The following DNAH5 variants were observed in gnomAD, a reference collection of about 807,000 sequenced individuals.
The protein encoded by DNAH5 is dynein axonemal heavy chain 5.
A neutral mutation model predicts 518.2 loss-of-function variants in DNAH5; 372 were observed. The ratio of observed to expected loss-of-function variants is 0.72; its 90% confidence interval spans 0.66 to 0.78. DNAH5 has a LOEUF of 0.78. Ranked by LOEUF, DNAH5 falls within the 30% of genes least tolerant of loss-of-function variation. The probability of loss-of-function intolerance (pLI) is 0.00; values close to 1 mark genes in which losing one functional copy is unlikely to be tolerated. For synonymous variants in DNAH5, 2,039 were observed against 2,025.9 expected, an observed-to-expected ratio of 1.01 and a Z score of -0.17; for missense variants, 5,523 against 5,687.0, an observed-to-expected ratio of 0.97 and a Z score of 0.93.
In DNAH5 at chr5:13,794,656, G is replaced by A. The variant is rs369263030; in HGVS notation, c.7888-598C>T. Among the ~76,000 whole-genome samples the A allele has an allele frequency of 6.6e-5, 10 of 152,260 alleles. No homozygotes were observed. The South Asian group carries it at 1.9e-3, about 28-fold the overall frequency. ...CTTAGGCAGTGCAAGAGAAGACCACGCTGCACTCTGTAAAAAACCTTCCTT... is the reference window on the plus strand; with the variant it reads ...CTTAGGCAGTGCAAGAGAAGACCACACTGCACTCTGTAAAAAACCTTCCTT... On this transcript the variant is annotated intron_variant, in intron 47 of 78. Coordinates refer to ENST00000265104, the MANE Select transcript of DNAH5 (RefSeq NM_001369.3).
intron 3 of DNAH5, among the ~76,000 whole-genome samples, chr5:13,924,093 C>T (rs1226371515): frequency 6.6e-6 from 1 of 152,128 alleles, no homozygotes; most frequent in Admixed American, 6.6e-5. Context: ...CCAAGTCAAA[C>T]AGCCAATAGG....
chr5:13,762,973 A>G, intron 59 of DNAH5, 72 bp from the exon 60 acceptor site: 1 of 1,301,008 alleles, frequency 7.7e-7, no homozygotes, highest in South Asian at 1.2e-5. Context: ...CATGCTCTCA[A>G]TGCCACTGAA....
Position 13,990,573 on chromosome 5 carries a change from A to C in DNAH5, c.12+21075T>G, listed in dbSNP as rs1286469273. Among the ~76,000 whole-genome samples the C allele has an allele frequency of 2.7e-5, 4 of 150,618 alleles. 1 individual carries two copies. The East Asian group carries it at 7.8e-4, about 29-fold the overall frequency. On this transcript the variant is annotated intron_variant, in intron 1 of 78. Coordinates refer to the DNAH5 transcript ENST00000681290. ...ATCTCAAAAAACAAAATGAAGTAAA[A>C]TAAAAAAATTGGGGCCAGGCGTGGT...
chr5:13,692,998 G>A (rs923541445), intron 78 of DNAH5, among the ~76,000 whole-genome samples: 2 of 152,124 alleles, frequency 1.3e-5, no homozygotes, highest in Non-Finnish European at 2.9e-5. Context: ...GAGCAGCCTG[G>A]GAGTTTAAGC....
In DNAH5 at chr5:13,765,085, C is replaced by T. The variant is rs1191873456; in HGVS notation, c.10101+891G>A. On this transcript the variant is annotated intron_variant, in intron 59 of 78. Transcript: ENST00000265104. ...TTGTATCTACATGGTGGAAACACTA[C>T]ACAGTGGCTGCTACCATGCACCTCT... 7.2e-5 allele frequency among the ~76,000 whole-genome samples: 11 copies of T among 152,322 alleles called. No individual in the cohort carries two copies. In the South Asian group the frequency reaches 1.5e-3, roughly 20 times the overall value.
At chr5:13,919,116 A>G in intron 7 of DNAH5, 60 bp downstream of exon 7, 1 of 1,598,570 alleles carries the variant, frequency 6.3e-7, no homozygotes, top group East Asian at 2.2e-5. Context: ...CTATGCCTTG[A>G]AAATATGCAT....
chr5:13,896,530 A>G (rs1267761557), intron 15 of DNAH5: 2 of 152,232 alleles, frequency 1.3e-5, no homozygotes, highest in African/African-American at 4.8e-5. Flanking sequence ...TCACTTTATT[A>G]CAATAGACTA....
intron 47 of DNAH5, among the ~76,000 whole-genome samples, chr5:13,801,520 C>T (rs1047401371): frequency 2.0e-5 from 3 of 152,196 alleles, no homozygotes; most frequent in Admixed American, 6.5e-5. Context: ...CACTTCCTAA[C>T]CAAGGTTGAA....
Position 13,769,461 on chromosome 5 carries a change from A to T in DNAH5, c.9720+40T>A, listed in dbSNP as rs545937148. The T allele has an allele frequency of 1.4e-5, 21 of 1,506,256 alleles. No homozygotes were observed. In the Admixed American group the frequency reaches 2.3e-4, roughly 17 times the overall value. The allele number at this position is 1,506,256 out of a possible 1,614,324, so 93.3% of individuals were successfully genotyped here. A position where few individuals can be genotyped will look rare whatever the true frequency, so the allele number is the denominator to read the frequency against. On this transcript the variant is annotated intron_variant, in intron 57 of 78. Transcript: ENST00000265104. ...GATCATTAACACTTGTGAACTGAGA[A>T]TTCAAAAGGAATGTGGCACATGTGT...
intron 3 of DNAH5, 72 bp from the exon 4 acceptor site, chr5:13,923,512 T>C: frequency 6.4e-7 from 1 of 1,563,344 alleles, no homozygotes; most frequent in Non-Finnish European, 8.7e-7. Flanking sequence ...GGAATGAAGT[T>C]TCCTTGTTAA....
chr5:13,867,330 G>A (rs1235227174), intron 25 of DNAH5, among the ~76,000 whole-genome samples: 1 of 152,004 alleles, frequency 6.6e-6, no homozygotes, highest in Non-Finnish European at 1.5e-5. Flanking sequence ...TCATGGGAGC[G>A]GTTTTCCCCA....
intron 1 of DNAH5, among the ~76,000 whole-genome samples, chr5:13,993,082 C>A (rs1783672409): frequency 6.6e-6 from 1 of 152,216 alleles, no homozygotes; most frequent in South Asian, 2.1e-4. Flanking sequence ...GTCATAGACA[C>A]AGAGCATGAT....
intron 32 of DNAH5, among the ~76,000 whole-genome samples, chr5:13,842,860 G>A (rs903319869): frequency 1.3e-5 from 2 of 152,122 alleles, no homozygotes; most frequent in South Asian, 2.1e-4. Context: ...CAAAAGCAAC[G>A]CGATCTTAAG....
upstream of DNAH5, among the ~76,000 whole-genome samples, chr5:13,948,546 GAT>G (rs1397891067): frequency 6.6e-6 from 1 of 152,124 alleles, no homozygotes; most frequent in Non-Finnish European, 1.5e-5. Context: ...CAAATTAGTA[GAT>G]AGGAAAACTA....
At chr5:13,970,185 T>G (rs570143860) in intron 1 of DNAH5, among the ~76,000 whole-genome samples, 1 of 152,334 alleles carries the variant, frequency 6.6e-6, no homozygotes, top group South Asian at 2.1e-4. Context: ...ATGTGAGTCC[T>G]TATGTGTTGG....
intron 65 of DNAH5, among the ~76,000 whole-genome samples, chr5:13,749,329 T>A (rs1439370280): frequency 6.6e-6 from 1 of 152,174 alleles, no homozygotes; most frequent in Non-Finnish European, 1.5e-5. Flanking sequence ...ATTCTGATAA[T>A]GAGATAATAT....
chr5:13,769,410 C>A, intron 57 of DNAH5, 91 bp downstream of exon 57: 2 of 1,068,038 alleles, frequency 1.9e-6, no homozygotes. Context: ...GTATACTTCA[C>A]TAGTTATAGC....
chr5:13,692,554 C>T (rs1407691895), intron 78 of DNAH5, among the ~76,000 whole-genome samples: 2 of 152,162 alleles, frequency 1.3e-5, no homozygotes, highest in East Asian at 3.9e-4. Context: ...TCAAAATCTT[C>T]AACCCTGCAG....
At chr5:13,929,807 T>C (rs1214281588) in intron 2 of DNAH5, among the ~76,000 whole-genome samples, 3 of 152,194 alleles carry the variant, frequency 2.0e-5, no homozygotes, top group Admixed American at 6.5e-5. Flanking sequence ...CCTACAGAGC[T>C]GAACTTTTGC....
Sources: allele counts gnomAD v4.1 joint callset (sites outside exome capture counted in the v4.1 genomes callset), GRCh38; gene constraint gnomAD v4.1.1; transcripts MANE v1.5; gene names NCBI Gene and HGNC (gene_info 2026-07-23, HGNC 2026-07-21).